The following XKR6 variants were observed in gnomAD, a reference collection of about 807,000 sequenced individuals.
XKR6 encodes the protein XK related 6.
Under a neutral mutation model 56.7 loss-of-function variants are expected in XKR6, and 22 were observed. That is an observed-to-expected ratio of 0.39 (90% CI 0.28 to 0.55). The LOEUF is 0.55. Among genes scored for constraint, XKR6 ranks in the 20% least tolerant of loss-of-function variants. The probability of loss-of-function intolerance (pLI) is 0.66; values close to 1 mark genes in which losing one functional copy is unlikely to be tolerated. For synonymous variants in XKR6, 524 were observed against 387.8 expected, an observed-to-expected ratio of 1.35 and a Z score of -4.13; for missense variants, 852 against 889.0, an observed-to-expected ratio of 0.96 and a Z score of 0.53.
chr8:10,916,129 C>T (rs1472429644), intron 2 of XKR6, among the ~76,000 whole-genome samples: 1 of 152,234 alleles, frequency 6.6e-6, no homozygotes, highest in African/African-American at 2.4e-5. Flanking sequence ...GTCCACCAGG[C>T]AGCGTGGAGC....
chr8:10,956,232 G>A (rs1458296884), intron 1 of XKR6, among the ~76,000 whole-genome samples: 1 of 152,204 alleles, frequency 6.6e-6, no homozygotes, highest in Non-Finnish European at 1.5e-5. Flanking sequence ...CTTCAAAAGT[G>A]AATTTGCGGA....
chr8:11,027,781 G>T (rs1326921870), intron 1 of XKR6, among the ~76,000 whole-genome samples: 2 of 152,306 alleles, frequency 1.3e-5, no homozygotes, highest in East Asian at 1.9e-4. Flanking sequence ...AACAAGTGAG[G>T]ACGGTCATCA....
At chr8:11,062,958 C>G (rs1009163762) in intron 1 of XKR6, 1 of 404,024 alleles carries the variant, frequency 2.5e-6, no homozygotes, top group South Asian at 1.8e-5. Context: ...AAGTGAAGGA[C>G]TCCAGAGCCC....
chr8:11,059,655 G>C (rs1423979329), intron 1 of XKR6, among the ~76,000 whole-genome samples: 1 of 132,060 alleles, frequency 7.6e-6, no homozygotes, highest in South Asian at 2.1e-4. Context: ...ACAGGTGCGG[G>C]GGGCGCGGGG....
At chr8:10,960,467 G>C (rs540907704) in intron 1 of XKR6, among the ~76,000 whole-genome samples, 2 of 152,204 alleles carry the variant, frequency 1.3e-5, no homozygotes, top group African/African-American at 2.4e-5. Context: ...TAAGAGAGAC[G>C]GAAGCCTTTC....
chr8:11,119,386 T>G (rs1393018721), intron 1 of XKR6, among the ~76,000 whole-genome samples: 4 of 152,224 alleles, frequency 2.6e-5, no homozygotes, highest in Non-Finnish European at 5.9e-5. Context: ...GTCTCGTTGA[T>G]CTGTCTAATG....
At chr8:11,107,992 T>TG (rs1798745574) in intron 1 of XKR6, 12 of 315,550 alleles carry the variant, frequency 3.8e-5, no homozygotes, top group South Asian at 3.2e-4. Context: ...AATATTAGAG[T>TG]TTCTTCAGGC....
intron 1 of XKR6, among the ~76,000 whole-genome samples, chr8:11,086,872 G>A (rs1563126993): frequency 6.6e-6 from 1 of 152,190 alleles, no homozygotes; most frequent in South Asian, 2.1e-4. Flanking sequence ...AGAAATATTC[G>A]AAACAGAACA....
At chr8:10,955,696 G>A (rs1801866617) in intron 1 of XKR6, among the ~76,000 whole-genome samples, 1 of 152,210 alleles carries the variant, frequency 6.6e-6, no homozygotes, top group African/African-American at 2.4e-5. Context: ...TTCCCTGCCA[G>A]ACACCCACAG....
In XKR6 at chr8:11,003,837, T is replaced by C. The variant is rs79418858; in HGVS notation, c.765-79007A>G. On this transcript the variant is annotated intron_variant, in intron 1 of 2. Transcript: ENST00000416569. The stretch of plus-strand genomic sequence containing the variant: ...GGACAGAGAAGGGTGTGGTTAATTC[T>C]GCCTGTGATGAGAGCAAAAGGTTCC... Among the ~76,000 whole-genome samples the C allele has an allele frequency of 5.0e-3, 760 of 152,354 alleles. 3 individuals carry two copies. The highest frequency in any genetic ancestry group is 0.018 in the African/African-American group (738 of 41,586).
chr8:10,911,693 T>C (rs1423719755), intron 2 of XKR6, among the ~76,000 whole-genome samples: 1 of 149,040 alleles, frequency 6.7e-6, no homozygotes, highest in Non-Finnish European at 1.5e-5. Context: ...GGTGAGTATA[T>C]ATATACACAT....
At chr8:11,152,221 C>T (rs543913844) in intron 1 of XKR6, among the ~76,000 whole-genome samples, 35 of 152,298 alleles carry the variant, frequency 2.3e-4, no homozygotes, top group Admixed American at 1.2e-3. Context: ...GAGATACAGG[C>T]TGTGGGGAAG....
chr8:11,044,866 A>G (rs1375938959), intron 1 of XKR6, among the ~76,000 whole-genome samples: 2 of 151,260 alleles, frequency 1.3e-5, no homozygotes, highest in Admixed American at 6.6e-5. Flanking sequence ...GATCCACCCA[A>G]CTCGGCCTCC....
In XKR6 at chr8:11,160,951, C is replaced by T. The variant is rs542027113; in HGVS notation, c.764+39625G>A. 4.1e-5 allele frequency among the ~76,000 whole-genome samples: 6 copies of T among 145,616 alleles called. No homozygotes were observed. In the South Asian group the frequency reaches 1.3e-3, roughly 32 times the overall value. On this transcript the variant is annotated intron_variant, in intron 1 of 2. Transcript: ENST00000416569. ...AAAAAAGAAAAAAAAAGGGTTCACA[C>T]ATTCAGAAACAGAATAACTACTTCA...
rs1799937844 is a variant in XKR6 at position 10,898,113 on chromosome 8, T to C, written c.1765A>G (p.Met589Val). Reference protein sequence around the residue: ...LPEGPLIKIDMPRKRYPAWDA... With the variant: ...LPEGPLIKIDVPRKRYPAWDA... Reference sequence around the variant, plus strand: ...CAAGCTGGGTATCGCTTTCTTGGCATGTCAATCTTAATGAGGGGCCCTTCT... The same window carrying C: ...CAAGCTGGGTATCGCTTTCTTGGCACGTCAATCTTAATGAGGGGCCCTTCT... Residue 589 changes from methionine (M) to valine (V), a missense_variant, in exon 3 of 3, where the codon ATG becomes GTG. Met to Val is a conservative substitution (Grantham distance 21). Transcript: ENST00000416569. The surrounding 1 kb of genome is among the most constrained non-coding windows in gnomAD (Gnocchi z 6.6). 6.2e-7 allele frequency: 1 copy of C among 1,614,154 alleles called. No individual in the cohort carries two copies. The highest frequency in any genetic ancestry group is 2.2e-5 in the East Asian group (1 of 44,878).
At chr8:10,970,086 T>C (rs1024781282) in intron 1 of XKR6, among the ~76,000 whole-genome samples, 1 of 152,224 alleles carries the variant, frequency 6.6e-6, no homozygotes, top group Non-Finnish European at 1.5e-5. Context: ...CTGTCACCTC[T>C]CGCAGGAGTG....
At chr8:11,151,225 A>G (rs1262933924) in intron 1 of XKR6, among the ~76,000 whole-genome samples, 3 of 152,240 alleles carry the variant, frequency 2.0e-5, no homozygotes, top group Non-Finnish European at 2.9e-5. Context: ...TCTACTAGTG[A>G]AAGTATGCAA....
chr8:11,189,697 C>T (rs984563141), intron 1 of XKR6, among the ~76,000 whole-genome samples: 1 of 152,200 alleles, frequency 6.6e-6, no homozygotes, highest in Admixed American at 6.5e-5. Flanking sequence ...TACAACTATG[C>T]TTCTCATCCC....
intron 1 of XKR6, among the ~76,000 whole-genome samples, chr8:11,006,205 C>G (rs147353843): frequency 2.6e-5 from 4 of 152,214 alleles, no homozygotes; most frequent in African/African-American, 7.2e-5. Context: ...GATTGATTCA[C>G]TAGAGAGTAG....
Sources: allele counts gnomAD v4.1 joint callset (sites outside exome capture counted in the v4.1 genomes callset), GRCh38; gene constraint gnomAD v4.1.1; non-coding constraint Gnocchi (gnomAD v3.1); transcripts MANE v1.5; gene names NCBI Gene and HGNC (gene_info 2026-07-23, HGNC 2026-07-21).